The following CENPP variants were observed in gnomAD, a reference collection of about 807,000 sequenced individuals.
The protein encoded by CENPP is centromere protein P.
In CENPP, 24 loss-of-function variants were observed where a neutral mutation model predicts 35.6. That is an observed-to-expected ratio of 0.67 (90% CI 0.49 to 0.95). The LOEUF is 0.95. Ranked by LOEUF, CENPP falls within the 40% of genes least tolerant of loss-of-function variation. The pLI is 0.00. For synonymous variants in CENPP, 120 were observed against 125.5 expected (o/e 0.96, Z 0.29); for missense variants, 332 against 345.3 (o/e 0.96, Z 0.31).
chr9:92,444,791 T>C (rs1230046224), intron 5 of CENPP, among the ~76,000 whole-genome samples: 1 of 152,134 alleles, frequency 6.6e-6, no homozygotes, highest in African/African-American at 2.4e-5. Flanking sequence ...TGCAAGCTGG[T>C]GCATGTCAGC....
rs1489316776 is a variant in CENPP, at chr9:92,467,160, A to G, written c.564+87301A>G. Among the ~76,000 whole-genome samples the G allele has an allele frequency of 2.0e-5, 3 of 152,272 alleles. No homozygotes were observed. In the East Asian group the frequency reaches 5.8e-4, roughly 29 times the overall value. On this transcript the variant is annotated intron_variant, in intron 5 of 7. Coordinates refer to ENST00000375587, the MANE Select transcript of CENPP (RefSeq NM_001012267.3). ...TCAATCTCTTATCAGTTTTTTGGGT[A>G]TTTCTCAGGGCAATAAGACAGCATC...
At chr9:92,328,646 GA>G (rs1026462820) in intron 1 of CENPP, among the ~76,000 whole-genome samples, 1 of 151,678 alleles carries the variant, frequency 6.6e-6, no homozygotes, top group African/African-American at 2.4e-5. Context: ...GATTTTAAAG[GA>G]AAAAAAATTC....
At chr9:92,365,492 C>T (rs1274139548) in intron 4 of CENPP, among the ~76,000 whole-genome samples, 1 of 148,612 alleles carries the variant, frequency 6.7e-6, no homozygotes, top group Admixed American at 6.7e-5. Context: ...CTCACTACAA[C>T]CTCCACCTCC....
At chr9:92,370,697 G>A (rs187599707) in intron 4 of CENPP, among the ~76,000 whole-genome samples, 12 of 152,240 alleles carry the variant, frequency 7.9e-5, no homozygotes, top group Admixed American at 6.5e-4. Context: ...GGCCAAGCTG[G>A]TCTTGAACTC....
intron 5 of CENPP, among the ~76,000 whole-genome samples, chr9:92,530,177 G>C (rs1848657606): frequency 6.6e-6 from 1 of 152,148 alleles, no homozygotes; most frequent in South Asian, 2.1e-4. Context: ...GTCCCCCAAG[G>C]GTACCAAGGG....
intron 5 of CENPP, among the ~76,000 whole-genome samples, chr9:92,530,709 T>A (rs963620510): frequency 6.6e-6 from 1 of 152,212 alleles, no homozygotes; most frequent in African/African-American, 2.4e-5. Context: ...TTTTTCTTTT[T>A]TGACTTTTTA....
intron 5 of CENPP, among the ~76,000 whole-genome samples, chr9:92,581,798 C>A (rs755808875): frequency 1.3e-5 from 2 of 152,098 alleles, no homozygotes; most frequent in Non-Finnish European, 2.9e-5. Context: ...GACTGTATAA[C>A]ATAATCATAA....
chr9:92,411,005 C>T lies in CENPP; in HGVS notation c.564+31146C>T, dbSNP rs78177891. ...TTTTTTTCCTTTTGAGACAGAGTCT[C>T]GCTCTGTCTCCCAGGCTGGAGTGCA... On this transcript the variant is annotated intron_variant, in intron 5 of 7. Transcript: ENST00000375587. 4.8e-3 allele frequency among the ~76,000 whole-genome samples: 736 copies of T among 152,084 alleles called. 4 individuals are homozygous for T. Among genetic ancestry groups the T allele is most frequent in the African/African-American group, 0.015 (641 of 41,482 alleles).
chr9:92,496,964 C>T (rs1358420112), intron 5 of CENPP, among the ~76,000 whole-genome samples: 4 of 151,174 alleles, frequency 2.6e-5, no homozygotes, highest in African/African-American at 7.3e-5. Flanking sequence ...AATCCAGAAG[C>T]TCATTAACAT....
rs1851393439 is a variant in CENPP at position 92,615,150 on chromosome 9, A to C, written c.*2001A>C. The C allele has an allele frequency of 6.6e-6, 1 of 152,214 alleles. No individual in the cohort carries two copies. Among genetic ancestry groups the C allele is most frequent in the African/African-American group, 2.4e-5 (1 of 41,434 alleles). The allele number at this position is 152,214 out of a possible 1,614,324, so 9.4% of individuals were successfully genotyped here. Reference sequence around the variant, plus strand: ...CCCTCATGTGAAAGATTAAATTGTAAAGCAAAAAAAAAAAGGTCAATGCTC... The same window carrying C: ...CCCTCATGTGAAAGATTAAATTGTACAGCAAAAAAAAAAAGGTCAATGCTC... On this transcript the variant is annotated 3_prime_UTR_variant, in exon 8 of 8. Transcript: ENST00000375587.
At chr9:92,530,171 C>T (rs1439911584) in intron 5 of CENPP, among the ~76,000 whole-genome samples, 1 of 152,058 alleles carries the variant, frequency 6.6e-6, no homozygotes, top group Non-Finnish European at 1.5e-5. Context: ...GAACCAGTCC[C>T]CCAAGGGTAC....
intron 4 of CENPP, among the ~76,000 whole-genome samples, chr9:92,361,341 G>A (rs1052999167): frequency 3.6e-4 from 54 of 151,422 alleles, no homozygotes; most frequent in Admixed American, 2.0e-4. Flanking sequence ...GGGTTTCGCC[G>A]TATTGGCCAG....
chr9:92,436,588 G>GT (rs972187880), intron 5 of CENPP, among the ~76,000 whole-genome samples: 9 of 151,816 alleles, frequency 5.9e-5, no homozygotes, highest in South Asian at 2.1e-4. Flanking sequence ...GGTTTGAAAG[G>GT]TTTTTTTTGC....
chr9:92,413,378 T>A (rs1411052328), intron 5 of CENPP, among the ~76,000 whole-genome samples: 2 of 152,324 alleles, frequency 1.3e-5, no homozygotes, highest in Admixed American at 1.3e-4. Context: ...AAGGCTCCAA[T>A]TTTTCCACAT....
chr9:92,376,551 G>T (rs1462288688), intron 4 of CENPP, among the ~76,000 whole-genome samples: 1 of 152,182 alleles, frequency 6.6e-6, no homozygotes, highest in African/African-American at 2.4e-5. Context: ...GTCAAATGCA[G>T]GTTTTACAGA....
chr9:92,350,535 T>A (rs1409977876), intron 4 of CENPP, among the ~76,000 whole-genome samples: 1 of 152,230 alleles, frequency 6.6e-6, no homozygotes. Flanking sequence ...GCTTTTAAGA[T>A]TATTTTCATG....
chr9:92,329,122 C>T (rs1307693541), intron 1 of CENPP, among the ~76,000 whole-genome samples: 1 of 151,036 alleles, frequency 6.6e-6, no homozygotes, highest in Non-Finnish European at 1.5e-5. Flanking sequence ...TTGAAATTTT[C>T]CTTCATAGTT....
chr9:92,387,432 A>C (rs1842481370), intron 5 of CENPP, among the ~76,000 whole-genome samples: 2 of 152,074 alleles, frequency 1.3e-5, no homozygotes, highest in Non-Finnish European at 2.9e-5. Flanking sequence ...CAGTTTAGCA[A>C]ACAGTTAGCT....
chr9:92,479,923 T>C (rs1845853200), intron 5 of CENPP, among the ~76,000 whole-genome samples: 1 of 152,192 alleles, frequency 6.6e-6, no homozygotes, highest in Non-Finnish European at 1.5e-5. Context: ...AGGAAAATAA[T>C]GGAATGTCTA....
Sources: allele counts gnomAD v4.1 joint callset (sites outside exome capture counted in the v4.1 genomes callset), GRCh38; gene constraint gnomAD v4.1.1; transcripts MANE v1.5; gene names NCBI Gene and HGNC (gene_info 2026-07-23, HGNC 2026-07-21).